AKAP13: variants seen among roughly 807,000 people sequenced by gnomAD.
AKAP13 encodes A-kinase anchoring protein 13, also known as A-kinase anchor protein 13.
In AKAP13, 80 loss-of-function variants were observed where a neutral mutation model predicts 264.5. The observed-to-expected ratio is 0.30, with a 90% CI of 0.25 to 0.36. The LOEUF (loss-of-function observed/expected upper bound fraction) is 0.36. AKAP13 is among the 10% of genes least tolerant of loss of function. The pLI is 1.00. For missense variants in AKAP13, 3,712 were observed against 3,435.2 expected (o/e 1.08, Z -2.01); for synonymous variants, 1,380 against 1,250.2 (o/e 1.10, Z -2.19).
At chr15:85,729,873 G>C (rs919422281) in intron 29 of AKAP13, among the ~76,000 whole-genome samples, 28 of 152,246 alleles carry the variant, frequency 1.8e-4, no homozygotes, top group African/African-American at 6.5e-4. Flanking sequence ...GAACCCAGGA[G>C]GTGGAGGTTA....
rs752671158 is a variant in AKAP13, at chr15:85,708,057, C to G, written c.5503C>G (p.Leu1835Val). 3 of 1,613,774 alleles carry G rather than the reference C, an allele frequency of 1.9e-6. No homozygotes were observed. Among genetic ancestry groups the G allele is most frequent in the African/African-American group, 1.3e-5 (1 of 74,908 alleles). ...TGTCCACAAAGGCTGCCGAGAAAGT[C>G]TAGCCTCCTGTGCAAAGGTCAAAAT... The part of the protein sequence containing the change: ...AFVHKGCRES[L>V]ASCAKVKMKQ... Residue 1835 changes from leucine (L) to valine (V), a missense_variant, in exon 18 of 37, where the codon CTA becomes GTA. This residue lies in a region of AKAP13 where 2,759 missense variants were observed against 2,411.7 expected (regional missense o/e 1.14). Coordinates refer to ENST00000394518, the MANE Select transcript of AKAP13 (RefSeq NM_007200.5). This position sits in a 1 kb window ranked among gnomAD's most constrained non-coding sequence, Gnocchi z 4.3.
chr15:85,461,109 A>AATTTTATTTTATTTT (rs61221023), intron 1 of AKAP13, among the ~76,000 whole-genome samples: 11 of 150,790 alleles, frequency 7.3e-5, no homozygotes, highest in East Asian at 5.8e-4. Flanking sequence ...AGGACTGTAT[A>AATTTTATTTTATTTT]ATTTTATTTT....
intron 8 of AKAP13, among the ~76,000 whole-genome samples, chr15:85,604,249 A>C (rs1342300060): frequency 3.3e-5 from 5 of 152,298 alleles, no homozygotes; most frequent in East Asian, 1.9e-4. Flanking sequence ...TTGAAGATTT[A>C]AGTTTTGTAA....
intron 17 of AKAP13, among the ~76,000 whole-genome samples, chr15:85,694,423 G>A (rs181604362): frequency 3.3e-4 from 51 of 152,318 alleles, no homozygotes; most frequent in African/African-American, 8.4e-4. Context: ...AAAAGCAGCC[G>A]TAAGCAATAC....
chr15:85,479,362 A>G (rs2151040945), intron 1 of AKAP13, among the ~76,000 whole-genome samples: 1 of 152,322 alleles, frequency 6.6e-6, no homozygotes, highest in South Asian at 2.1e-4. Context: ...ATGCATTGTC[A>G]TTTCCATGTT....
intron 14 of AKAP13, among the ~76,000 whole-genome samples, chr15:85,676,364 C>G (rs181615700): frequency 1.6e-4 from 25 of 152,192 alleles, no homozygotes; most frequent in African/African-American, 5.8e-4. Context: ...AGGAATGGTG[C>G]CCAGGTTTCC....
intron 14 of AKAP13, among the ~76,000 whole-genome samples, chr15:85,675,169 A>G (rs940899179): frequency 6.6e-6 from 1 of 152,192 alleles, no homozygotes. Flanking sequence ...TTTGTGACAC[A>G]TGAAGGAGAT....
chr15:85,464,380 A>T (rs2074645479), intron 1 of AKAP13, among the ~76,000 whole-genome samples: 1 of 152,168 alleles, frequency 6.6e-6, no homozygotes, highest in Non-Finnish European at 1.5e-5. Flanking sequence ...GTGTCCTTAA[A>T]CAAGTTCTTT....
chr15:85,467,400 G>A (rs934287839), intron 1 of AKAP13, among the ~76,000 whole-genome samples: 1 of 152,056 alleles, frequency 6.6e-6, no homozygotes, highest in Non-Finnish European at 1.5e-5. Flanking sequence ...CTTGTGATCT[G>A]TTCCTACTGG....
intron 2 of AKAP13, among the ~76,000 whole-genome samples, chr15:85,499,859 C>T (rs148951550): frequency 3.4e-4 from 52 of 152,072 alleles, no homozygotes; most frequent in African/African-American, 9.9e-4. Flanking sequence ...ATGCCTTTTC[C>T]GTTTATTATG....
chr15:85,733,319 A>G (rs2088188920), intron 30 of AKAP13, among the ~76,000 whole-genome samples: 1 of 152,136 alleles, frequency 6.6e-6, no homozygotes, highest in Non-Finnish European at 1.5e-5. Context: ...GGCATAAAGT[A>G]TTGCCATCAG....
intron 19 of AKAP13, among the ~76,000 whole-genome samples, chr15:85,711,430 T>C (rs2086629445): frequency 6.6e-6 from 1 of 152,218 alleles, no homozygotes; most frequent in Non-Finnish European, 1.5e-5. Context: ...TTTTTAGACA[T>C]ATGTATACTT....
At chr15:85,418,220 C>T (rs931116649) in intron 1 of AKAP13, among the ~76,000 whole-genome samples, 4 of 151,894 alleles carry the variant, frequency 2.6e-5, no homozygotes, top group African/African-American at 7.3e-5. Context: ...GGACTACAGG[C>T]GTGCGCCACC....
At chr15:85,467,308 GTTT>G (rs2074779998) in intron 1 of AKAP13, among the ~76,000 whole-genome samples, 1 of 78,406 alleles carries the variant, frequency 1.3e-5, no homozygotes, top group African/African-American at 2.8e-5. Context: ...CTCAATAAAT[GTTT>G]GAGTGATTGT....
At chr15:85,726,196 C>G (rs964047506) in intron 26 of AKAP13, 2 of 445,264 alleles carry the variant, frequency 4.5e-6, no homozygotes, top group East Asian at 3.5e-5. Context: ...GTGATAAATC[C>G]CATTTTAAAA....
chr15:85,620,303 G>A (rs1461771612), intron 8 of AKAP13: 1 of 816,080 alleles, frequency 1.2e-6, no homozygotes, highest in East Asian at 2.7e-5. Context: ...TGGAGGATGA[G>A]GGGTGAATGT....
At chr15:85,562,357 G>A (rs573993363) in intron 5 of AKAP13, among the ~76,000 whole-genome samples, 216 of 151,652 alleles carry the variant, frequency 1.4e-3, no homozygotes, top group African/African-American at 5.1e-3. Context: ...CTGAGGTCAG[G>A]AGTTTGAGAC....
Position 85,579,701 on chromosome 15 carries a change from G to A in AKAP13, c.1633G>A (p.Gly545Ser), listed in dbSNP as rs2079117221. Residue 545 changes from glycine (G) to serine (S), a missense_variant, in exon 7 of 37, where the codon GGT becomes AGT. Physicochemically the swap from Gly to Ser is moderately conservative, Grantham distance 56 (BLOSUM62 0). This residue lies in a region of AKAP13 where 2,759 missense variants were observed against 2,411.7 expected (regional missense o/e 1.14). Transcript: ENST00000394518. ...NCAPAASSLDGNKPAESSLAF... is the reference protein window; with the variant it reads ...NCAPAASSLDSNKPAESSLAF... The stretch of plus-strand genomic sequence containing the variant: ...TGCCCCTGCTGCCAGTTCCCTGGAT[G>A]GTAACAAACCTGCTGAGTCTTCACT... The A allele has an allele frequency of 6.2e-7, 1 of 1,614,072 alleles. No homozygotes were observed. The highest frequency in any genetic ancestry group is 1.3e-5 in the African/African-American group (1 of 74,916).
chr15:85,683,288 C>G (rs1434138697), intron 15 of AKAP13, among the ~76,000 whole-genome samples: 1 of 152,226 alleles, frequency 6.6e-6, no homozygotes, highest in African/African-American at 2.4e-5. Context: ...TGACTGTTGA[C>G]AGGACCCCTT....
Sources: allele counts gnomAD v4.1 joint callset (sites outside exome capture counted in the v4.1 genomes callset), GRCh38; gene constraint gnomAD v4.1.1; regional missense constraint gnomAD v4.1.1; non-coding constraint Gnocchi (gnomAD v3.1); transcripts MANE v1.5; gene names NCBI Gene and HGNC (gene_info 2026-07-23, HGNC 2026-07-21).